Variants in RPH3A observed in about 807,000 individuals in gnomAD.
RPH3A encodes rabphilin-3A.
In RPH3A, 48 loss-of-function variants were observed where a neutral mutation model predicts 102.2. The observed-to-expected ratio is 0.47, with a 90% CI of 0.37 to 0.60. The LOEUF (loss-of-function observed/expected upper bound fraction) is 0.60, where lower values mean the gene tolerates loss of function less well. RPH3A is among the 20% of genes least tolerant of loss of function. The probability of loss-of-function intolerance (pLI) is 0.00; values close to 1 mark genes in which losing one functional copy is unlikely to be tolerated. For missense variants in RPH3A, 781 were observed against 910.1 expected, an observed-to-expected ratio of 0.86 and a Z score of 1.83; for synonymous variants, 310 against 324.3, an observed-to-expected ratio of 0.96 and a Z score of 0.47.
At chr12:112,824,984 C>A (rs1054979809) in intron 2 of RPH3A, among the ~76,000 whole-genome samples, 1 of 151,706 alleles carries the variant, frequency 6.6e-6, no homozygotes, top group Non-Finnish European at 1.5e-5. Context: ...TGCTGCAAAG[C>A]AGAAGATGAA....
chr12:112,769,885 TG>T (rs2136071690), intron 1 of RPH3A, among the ~76,000 whole-genome samples: 2 of 152,352 alleles, frequency 1.3e-5, no homozygotes, highest in East Asian at 3.9e-4. Context: ...CACAACTCCC[TG>T]GTGTCCCTGA....
chr12:112,797,563 C>T (rs976701), intron 2 of RPH3A, among the ~76,000 whole-genome samples: 133,104 of 152,108 alleles, frequency 0.88, 58,230 homozygotes, highest in East Asian at 0.91. Flanking sequence ...CAAGGAGTCA[C>T]TTTTTGCTAG....
chr12:112,818,064 G>A (rs1482054114), intron 2 of RPH3A, among the ~76,000 whole-genome samples: 1 of 152,176 alleles, frequency 6.6e-6, no homozygotes, highest in Non-Finnish European at 1.5e-5. Flanking sequence ...TGTAATCCCA[G>A]CACTCTGGGA....
intron 2 of RPH3A, among the ~76,000 whole-genome samples, chr12:112,811,122 C>T (rs371207797): frequency 3.9e-5 from 6 of 152,078 alleles, no homozygotes; most frequent in Admixed American, 2.0e-4. Flanking sequence ...TAGGTTCCTA[C>T]GAATTTTGGT....
In RPH3A at chr12:112,835,383, G is replaced by A. The variant is rs1481073228; in HGVS notation, c.72-1108G>A. Among the ~76,000 whole-genome samples, 3 of 152,184 alleles carry A rather than the reference G, an allele frequency of 2.0e-5. No homozygotes were observed. The East Asian group carries it at 5.8e-4, about 29-fold the overall frequency. On this transcript the variant is annotated intron_variant, in intron 3 of 21. Transcript: ENST00000389385. Reference sequence around the variant, plus strand: ...TATTTATTTTATTTAAGAAATGTCAGTTAATTAAAATTCCATCCATCAGAG... The same window carrying A: ...TATTTATTTTATTTAAGAAATGTCAATTAATTAAAATTCCATCCATCAGAG...
chr12:112,751,318 T>C (rs1362424976), intron 1 of RPH3A, among the ~76,000 whole-genome samples: 1 of 152,144 alleles, frequency 6.6e-6, no homozygotes, highest in Non-Finnish European at 1.5e-5. Flanking sequence ...AGTGCTATGA[T>C]TGTGAGTTTG....
intron 1 of RPH3A, among the ~76,000 whole-genome samples, chr12:112,688,675 C>T (rs553492033): frequency 1.3e-5 from 2 of 152,266 alleles, no homozygotes; most frequent in South Asian, 2.1e-4. Flanking sequence ...AGGGTTTTAT[C>T]TGTATGGACT....
intron 13 of RPH3A, 120 bp from the exon 14 acceptor site, chr12:112,878,999 T>C (rs2042857457): frequency 1.1e-6 from 1 of 870,992 alleles, no homozygotes; most frequent in Non-Finnish European, 1.9e-6. Flanking sequence ...AAAAACCGAG[T>C]TTTCTTCTCT....
At chr12:112,879,569 C>T (rs1197630703) in intron 14 of RPH3A, among the ~76,000 whole-genome samples, 3 of 152,164 alleles carry the variant, frequency 2.0e-5, no homozygotes, top group Non-Finnish European at 4.4e-5. Flanking sequence ...TGGTCCCATC[C>T]CTGTGTCTGC....
At chr12:112,687,633 A>G (rs1024559116) in intron 1 of RPH3A, among the ~76,000 whole-genome samples, 2 of 152,202 alleles carry the variant, frequency 1.3e-5, no homozygotes, top group African/African-American at 4.8e-5. Context: ...TTAATTTTCC[A>G]TCCTCCACCC....
chr12:112,673,582 T>C (rs1592936858), intron 1 of RPH3A, among the ~76,000 whole-genome samples: 1 of 151,996 alleles, frequency 6.6e-6, no homozygotes, highest in South Asian at 2.1e-4. Flanking sequence ...TGTATATTTA[T>C]GGGGTACATG....
At chr12:112,687,598 G>A (rs567094016) in intron 1 of RPH3A, among the ~76,000 whole-genome samples, 75 of 152,292 alleles carry the variant, frequency 4.9e-4, no homozygotes, top group African/African-American at 1.7e-3. Context: ...ATCATTGAAG[G>A]GGGGAAAGGA....
chr12:112,619,935 C>G (rs1044228582), intron 1 of RPH3A, among the ~76,000 whole-genome samples: 5 of 152,136 alleles, frequency 3.3e-5, no homozygotes, highest in Admixed American at 3.3e-4. Flanking sequence ...CAGTCCAACC[C>G]AAACTGGCAC....
chr12:112,837,941 A>G (rs1226371270), intron 4 of RPH3A: 2 of 405,468 alleles, frequency 4.9e-6, no homozygotes, highest in African/African-American at 4.4e-5. Context: ...ATAAACACTT[A>G]CCCCAAGTAC....
intron 1 of RPH3A, among the ~76,000 whole-genome samples, chr12:112,581,507 T>C (rs1322034881): frequency 6.6e-6 from 1 of 152,148 alleles, no homozygotes; most frequent in Non-Finnish European, 1.5e-5. Flanking sequence ...TTATTCTGCC[T>C]TTATGGAAAT....
intron 1 of RPH3A, among the ~76,000 whole-genome samples, chr12:112,737,033 A>G (rs1318376907): frequency 1.3e-5 from 2 of 151,712 alleles, no homozygotes; most frequent in African/African-American, 4.8e-5. Context: ...TGCACACTTG[A>G]GATCCTAGCT....
At chr12:112,715,980 T>A (rs1478355546) in intron 1 of RPH3A, among the ~76,000 whole-genome samples, 1 of 152,246 alleles carries the variant, frequency 6.6e-6, no homozygotes, top group Admixed American at 6.5e-5. Flanking sequence ...ATTTTTAGAC[T>A]GTATAGGATA....
rs540599918 is a variant in RPH3A, at chr12:112,713,705, T to G, written c.-139-78438T>G. Reference sequence around the variant, plus strand: ...CTGGCAGTGTCTGGCATATGGTGGATGTTCAATAAATATTTGTTCCTTGAA... The same window carrying G: ...CTGGCAGTGTCTGGCATATGGTGGAGGTTCAATAAATATTTGTTCCTTGAA... On this transcript the variant is annotated intron_variant, in intron 1 of 21. Coordinates refer to the RPH3A transcript ENST00000543106. Among the ~76,000 whole-genome samples, 240 of 152,298 alleles carry G rather than the reference T, an allele frequency of 1.6e-3. 1 individual carries two copies. The highest frequency in any genetic ancestry group is 5.5e-3 in the African/African-American group (228 of 41,560).
At chr12:112,861,940 G>A (rs995958196) in intron 5 of RPH3A, among the ~76,000 whole-genome samples, 1 of 150,924 alleles carries the variant, frequency 6.6e-6, no homozygotes, top group African/African-American at 2.4e-5. Context: ...GTGAACCTGG[G>A]AGGCGGAGTT....
Sources: gnomAD v4.1 joint callset for allele counts (sites outside exome capture counted in the v4.1 genomes callset) on GRCh38, gnomAD v4.1.1 for gene constraint, MANE v1.5 for transcripts, NCBI Gene and HGNC (gene_info 2026-07-23, HGNC 2026-07-21) for gene names.